The following TXNDC15 variants were observed in gnomAD, a reference collection of about 807,000 sequenced individuals.
TXNDC15 encodes the protein thioredoxin domain-containing protein 15.
A neutral mutation model predicts 35.0 loss-of-function variants in TXNDC15; 24 were observed. That is an observed-to-expected ratio of 0.68 (90% CI 0.50 to 0.96). TXNDC15 has a LOEUF of 0.96. Among genes scored for constraint, TXNDC15 ranks in the 40% least tolerant of loss-of-function variants. The pLI, the probability that TXNDC15 is intolerant of heterozygous loss-of-function variation, is 0.00. For missense variants in TXNDC15, 385 were observed against 453.3 expected (o/e 0.85, Z 1.37); for synonymous variants, 169 against 174.0 (o/e 0.97, Z 0.23).
intron 2 of TXNDC15, among the ~76,000 whole-genome samples, chr5:134,889,305 A>G (rs1377565492): frequency 6.6e-6 from 1 of 151,974 alleles, no homozygotes; most frequent in Non-Finnish European, 1.5e-5. Context: ...GTTCACTGCA[A>G]CCTCTGCCTC....
intron 1 of TXNDC15, among the ~76,000 whole-genome samples, chr5:134,886,641 A>G (rs1750280630): frequency 6.6e-6 from 1 of 152,194 alleles, no homozygotes; most frequent in East Asian, 1.9e-4. Context: ...AGCACTCCCA[A>G]GGGCAGCAGC....
At chr5:134,884,130 G>A (rs1262723378) in intron 1 of TXNDC15, among the ~76,000 whole-genome samples, 2 of 146,116 alleles carry the variant, frequency 1.4e-5, no homozygotes, top group Non-Finnish European at 3.0e-5. Context: ...TGAGGCAGGA[G>A]AATTGCTTGA....
At chr5:134,882,844 A>G (rs908618615) in intron 1 of TXNDC15, among the ~76,000 whole-genome samples, 3 of 151,642 alleles carry the variant, frequency 2.0e-5, no homozygotes, top group Non-Finnish European at 4.4e-5. Context: ...GAGGAGGGAG[A>G]GGGGGAGGGG....
rs755026139 is a variant in TXNDC15, at chr5:134,887,966, CG to C, written c.376del (p.Val126SerfsTer45). 1.2e-6 allele frequency: 2 copies of C among 1,614,100 alleles called. No individual in the cohort carries two copies. The highest frequency in any genetic ancestry group is 2.7e-5 in the African/African-American group (2 of 74,920). On this transcript the variant is annotated frameshift_variant, in exon 2 of 5. Transcript: ENST00000358387. LOFTEE classifies it high-confidence loss of function. ...AGGAEDSRCN[V>X]RESLFSLDGA... ...GAGGAGCGGAGGACTCAAGGTGCAACGTCCGAGAGAGCCTTTTCTCTCTGGA... is the reference window on the plus strand; with the variant it reads ...GAGGAGCGGAGGACTCAAGGTGCAACTCCGAGAGAGCCTTTTCTCTCTGGA...
intron 1 of TXNDC15, among the ~76,000 whole-genome samples, chr5:134,879,140 A>G (rs574813512): frequency 1.3e-5 from 2 of 152,346 alleles, no homozygotes; most frequent in African/African-American, 4.8e-5. Flanking sequence ...ACCTGAAGGC[A>G]TAAGATTTTT....
chr5:134,876,219 G>A (rs1386275761), intron 1 of TXNDC15, among the ~76,000 whole-genome samples: 15 of 152,134 alleles, frequency 9.9e-5, no homozygotes, highest in Admixed American at 9.8e-4. Context: ...CGTGCTCTGT[G>A]CCCTGTGTGG....
At chr5:134,894,613 G>A (rs1233937880) in intron 3 of TXNDC15, among the ~76,000 whole-genome samples, 2 of 151,948 alleles carry the variant, frequency 1.3e-5, no homozygotes, top group African/African-American at 2.4e-5. Flanking sequence ...TACCAGCCTC[G>A]GCCTCCCAAA....
Position 134,899,620 on chromosome 5 carries a change from G to A in TXNDC15, c.1018G>A (p.Ala340Thr), listed in dbSNP as rs200985650. ...LFFLISFIMY[A>T]TIRTESIRWL... ...CTTTTTAATTAGTTTTATTATGTAT[G>A]CTACCATTCGAACTGAGAGTATTCG... The change falls in exon 5 of 5, where the codon GCT becomes ACT. Residue 340 changes from alanine to threonine, a missense_variant. Coordinates refer to ENST00000358387, the MANE Select transcript of TXNDC15 (RefSeq NM_024715.4). 1.5e-5 allele frequency: 24 copies of A among 1,613,850 alleles called. No homozygotes were observed. In the Admixed American group the frequency reaches 3.2e-4, roughly 21 times the overall value.
intron 2 of TXNDC15, among the ~76,000 whole-genome samples, 166 bp downstream of exon 2, chr5:134,888,348 T>C (rs1423873438): frequency 6.6e-6 from 1 of 152,216 alleles, no homozygotes; most frequent in Non-Finnish European, 1.5e-5. Flanking sequence ...GTGATGTTTA[T>C]AGGGAGACGA....
At chr5:134,885,896 C>T (rs1750266417) in intron 1 of TXNDC15, among the ~76,000 whole-genome samples, 1 of 152,158 alleles carries the variant, frequency 6.6e-6, no homozygotes, top group African/African-American at 2.4e-5. Context: ...TCTTGTTACT[C>T]CATCTTGGCC....
intron 1 of TXNDC15, among the ~76,000 whole-genome samples, chr5:134,884,494 C>T (rs1005965023): frequency 6.6e-6 from 1 of 151,796 alleles, no homozygotes; most frequent in East Asian, 1.9e-4. Flanking sequence ...GTGATCTACC[C>T]GCCTCAGCCT....
chr5:134,891,081 A>G (rs1490835168), intron 2 of TXNDC15, among the ~76,000 whole-genome samples: 1 of 152,210 alleles, frequency 6.6e-6, no homozygotes, highest in East Asian at 1.9e-4. Context: ...TCCATTCTCC[A>G]TTGAGGTCTT....
At chr5:134,891,932 T>TAATA (rs1304901539) in intron 2 of TXNDC15, among the ~76,000 whole-genome samples, 3 of 152,028 alleles carry the variant, frequency 2.0e-5, no homozygotes, top group Non-Finnish European at 2.9e-5. Context: ...AATAAATAAA[T>TAATA]AATAAGATTT....
In TXNDC15 at chr5:134,893,720, C is replaced by G. The variant is rs999222802; in HGVS notation, c.755+65C>G. On this transcript the variant is annotated intron_variant, in intron 3 of 4. Transcript: ENST00000358387. Reference sequence around the variant, plus strand: ...TGATGGTTGCAGTTATTTGGAGGTCCTAATTAGTTAAGTTAGAAGCAGAAG... The same window carrying G: ...TGATGGTTGCAGTTATTTGGAGGTCGTAATTAGTTAAGTTAGAAGCAGAAG... The G allele has an allele frequency of 4.6e-5, 73 of 1,597,176 alleles. No individual in the cohort carries two copies. In the Admixed American group the frequency reaches 1.2e-3, roughly 26 times the overall value.
In TXNDC15 at chr5:134,888,156, A is replaced by C; in HGVS notation, c.565A>C (p.Thr189Pro). The change falls in exon 2 of 5, where the codon ACT (threonine) becomes CCT (proline). Residue 189 changes from threonine (T) to proline (P), a missense_variant. Thr to Pro is a conservative substitution (Grantham distance 38). Transcript: ENST00000358387. ...ERNITGLENFTLKILNMSQDL... is the reference protein window; with the variant it reads ...ERNITGLENFPLKILNMSQDL... ...AAACATTACAGGATTAGAAAATTTC[A>C]CTCTGAAAATTTTAAATATGTCACA... is the stretch of plus-strand genomic sequence containing the variant. 1 of 1,602,852 alleles carries C rather than the reference A, an allele frequency of 6.2e-7. No homozygotes were observed. The highest frequency in any genetic ancestry group is 1.1e-5 in the South Asian group (1 of 89,670).
intron 1 of TXNDC15, among the ~76,000 whole-genome samples, chr5:134,886,179 C>G (rs1292015022): frequency 1.3e-5 from 2 of 152,324 alleles, no homozygotes; most frequent in East Asian, 3.9e-4. Context: ...ACATGTACAT[C>G]TGTTATGCAT....
At position 134,888,011 on chromosome 5, in the gene TXNDC15, C is replaced by T; in HGVS notation, c.420C>T (p.Phe140=). Residue 140 remains phenylalanine, a synonymous_variant, in exon 2 of 5, where the codon TTC becomes TTT. Transcript: ENST00000358387. The stretch of plus-strand genomic sequence containing the variant: ...CTCTGGATGGCGCTGGAGCACACTT[C>T]CCTGACAGAGAAGAGGAGTATTACA... ...LFSLDGAGAH[F]PDREEEYYTE... The T allele has an allele frequency of 6.2e-7, 1 of 1,614,176 alleles. No homozygotes were observed. The highest frequency in any genetic ancestry group is 8.5e-7 in the Non-Finnish European group (1 of 1,180,034).
intron 1 of TXNDC15, among the ~76,000 whole-genome samples, chr5:134,882,846 G>C (rs944005331): frequency 6.6e-6 from 1 of 152,272 alleles, no homozygotes; most frequent in Non-Finnish European, 1.5e-5. Flanking sequence ...GGAGGGAGAG[G>C]GGGAGGGGGA....
In TXNDC15 at chr5:134,888,018, A is replaced by G. The variant is rs778339083; in HGVS notation, c.427A>G (p.Arg143Gly). ...TGGCGCTGGAGCACACTTCCCTGAC[A>G]GAGAAGAGGAGTATTACACAGAGCC... The part of the protein sequence containing the change: ...LDGAGAHFPD[R>G]EEEYYTEPEV... The change falls in exon 2 of 5, where the codon AGA (arginine) becomes GGA (glycine). Residue 143 changes from arginine (R) to glycine (G), a missense_variant. Arg to Gly is a moderately radical substitution (Grantham distance 125). Coordinates refer to ENST00000358387, the MANE Select transcript of TXNDC15 (RefSeq NM_024715.4). The G allele has an allele frequency of 3.1e-6, 5 of 1,614,118 alleles. No individual in the cohort carries two copies. The highest frequency in any genetic ancestry group is 1.3e-5 in the African/African-American group (1 of 74,946).
Sources: allele counts gnomAD v4.1 joint callset (sites outside exome capture counted in the v4.1 genomes callset), GRCh38; gene constraint gnomAD v4.1.1; transcripts MANE v1.5; gene names NCBI Gene and HGNC (gene_info 2026-07-23, HGNC 2026-07-21).